The following DCP1B variants were observed in gnomAD, a reference collection of about 807,000 sequenced individuals.
The protein encoded by DCP1B is mRNA-decapping enzyme 1B.
DCP1B carries 47 observed loss-of-function variants against 60.5 expected under a neutral mutation model. The observed-to-expected ratio is 0.78, with a 90% confidence interval of 0.61 to 0.99. The LOEUF is 0.99. DCP1B is among the 50% of genes least tolerant of loss of function. The pLI is 0.00. For missense variants in DCP1B, 725 were observed against 756.8 expected (o/e 0.96, Z 0.49); for synonymous variants, 267 against 280.3 (o/e 0.95, Z 0.47).
intron 2 of DCP1B, among the ~76,000 whole-genome samples, chr12:1,997,235 A>G (rs1457857492): frequency 1.3e-5 from 2 of 152,228 alleles, no homozygotes; most frequent in Non-Finnish European, 2.9e-5. Context: ...GGGTGGGAGA[A>G]AAGTGATCAA....
intron 6 of DCP1B, among the ~76,000 whole-genome samples, chr12:1,954,181 CA>C (rs1259056126): frequency 2.8e-4 from 37 of 131,478 alleles, no homozygotes; most frequent in Admixed American, 2.3e-4. Context: ...AAATCTGTCT[CA>C]AAAAAAAAAA....
At chr12:1,972,277 A>G (rs1366883164) in intron 3 of DCP1B, among the ~76,000 whole-genome samples, 3 of 152,240 alleles carry the variant, frequency 2.0e-5, no homozygotes, top group African/African-American at 4.8e-5. Context: ...AATATTTTCA[A>G]TGTAAGGATG....
At position 1,952,949 on chromosome 12, in the gene DCP1B, G is replaced by T. The variant is rs1375905377; in HGVS notation, c.991C>A (p.Pro331Thr). 5 of 1,613,992 alleles carry T rather than the reference G, an allele frequency of 3.1e-6. No individual in the cohort carries two copies. In the African/African-American group the frequency reaches 6.7e-5, roughly 22 times the overall value. Residue 331 changes from proline (P) to threonine (T), a missense_variant, in exon 7 of 9, where the codon CCT becomes ACT. Coordinates refer to ENST00000280665, the MANE Select transcript of DCP1B (RefSeq NM_152640.5). The part of the protein sequence containing the change: ...THSAGEFFTG[P>T]VQPGSPHNIG... The stretch of plus-strand genomic sequence containing the variant: ...TTGTGAGGAGACCCTGGCTGGACAG[G>T]TCCTGTAAAAAATTCTCCCGCAGAA...
rs2032062357 is a variant in DCP1B, at chr12:1,971,094, C to T, written c.320-3184G>A. The T allele has an allele frequency of 5.4e-6, 7 of 1,288,828 alleles. No individual in the cohort carries two copies. The highest frequency in any genetic ancestry group is 2.3e-5 in the Admixed American group (1 of 43,536). 79.8% of individuals were successfully genotyped at this position (1,288,828 alleles called of 1,614,324 possible). A position where few individuals can be genotyped will look rare whatever the true frequency, so the allele number is the denominator to read the frequency against. On this transcript the variant is annotated intron_variant, in intron 3 of 8. Transcript: ENST00000280665. This position sits in a 1 kb window ranked among gnomAD's most constrained non-coding sequence, Gnocchi z 4.2. ...CGAGCCTTTGTTCAGCCTGGTACGC[C>T]TGCATACCAGCCGCTTCCCAGCCAC...
chr12:1,998,518 C>T (rs2041468366), intron 1 of DCP1B, among the ~76,000 whole-genome samples: 1 of 152,192 alleles, frequency 6.6e-6, no homozygotes, highest in African/African-American at 2.4e-5. Context: ...AATCAATCAC[C>T]TACTTAGTGT....
intron 3 of DCP1B, among the ~76,000 whole-genome samples, chr12:1,983,360 CCAATA>C (rs1481792535): frequency 1.3e-5 from 2 of 151,916 alleles, no homozygotes; most frequent in African/African-American, 4.8e-5. Context: ...TTCTTCTTTT[CCAATA>C]CAAGTATTTG....
intron 1 of DCP1B, among the ~76,000 whole-genome samples, chr12:1,998,623 C>G (rs78982355): frequency 0.018 from 2,671 of 152,266 alleles, 78 homozygotes; most frequent in African/African-American, 0.059. Context: ...CTGAGAAAAT[C>G]TGGGAGAGGT....
intron 5 of DCP1B, 91 bp downstream of exon 5, chr12:1,965,467 C>A: frequency 7.4e-7 from 1 of 1,346,714 alleles, no homozygotes; most frequent in Non-Finnish European, 9.7e-7. Context: ...GTGGAAGGAA[C>A]AGCATCCACA....
At chr12:1,952,340 C>CTTT (rs35978908) in intron 7 of DCP1B, 76 bp downstream of exon 7, 1,627 of 1,316,828 alleles carry the variant, frequency 1.2e-3, no homozygotes, top group East Asian at 2.4e-3. Flanking sequence ...AGCCTGGCTA[C>CTTT]TTTTTTTTTT....
At chr12:1,963,329 G>T (rs1039797815) in intron 5 of DCP1B, among the ~76,000 whole-genome samples, 12 of 152,064 alleles carry the variant, frequency 7.9e-5, no homozygotes, top group Non-Finnish European at 1.5e-4. Flanking sequence ...CTCTCCACAC[G>T]TACTAGCTGG....
In DCP1B at chr12:1,957,969, C is replaced by A. The variant is rs186187428; in HGVS notation, c.523-2409G>T. Reference sequence around the variant, plus strand: ...TAAGCGTAAGGCCTGAGACTATAAACCTCCTGGAAGGAAACAGGGGAAAAG... The same window carrying A: ...TAAGCGTAAGGCCTGAGACTATAAAACTCCTGGAAGGAAACAGGGGAAAAG... On this transcript the variant is annotated intron_variant, in intron 5 of 8. Transcript: ENST00000280665. 2.6e-5 allele frequency among the ~76,000 whole-genome samples: 4 copies of A among 152,268 alleles called. No individual in the cohort carries two copies. In the East Asian group the frequency reaches 7.7e-4, roughly 29 times the overall value.
intron 2 of DCP1B, among the ~76,000 whole-genome samples, chr12:1,995,946 CA>C (rs1415932179): frequency 6.6e-6 from 1 of 152,220 alleles, no homozygotes; most frequent in Non-Finnish European, 1.5e-5. Context: ...ATCATTACTT[CA>C]AAGTAAAATG....
rs142427899 is a variant in DCP1B at position 1,978,767 on chromosome 12, C to T, written c.320-10857G>A. Among the ~76,000 whole-genome samples, 713 of 152,276 alleles carry T rather than the reference C, an allele frequency of 4.7e-3. 8 individuals carry two copies. Among genetic ancestry groups the T allele is most frequent in the African/African-American group, 0.016 (680 of 41,550 alleles). ...TGCCTGTTCTTCAACTTCATATAAA[C>T]TTCATATAAATGGGGTCGTACAGTA... On this transcript the variant is annotated intron_variant, in intron 3 of 8. Transcript: ENST00000280665.
intron 3 of DCP1B, among the ~76,000 whole-genome samples, chr12:1,980,507 T>C (rs1056622235): frequency 6.6e-6 from 1 of 152,028 alleles, no homozygotes; most frequent in Admixed American, 6.6e-5. Flanking sequence ...ATGTTCTCAA[T>C]ATGTTTTCCC....
rs556071399 is a variant in DCP1B, at chr12:1,968,165, AT to A, written c.320-256del. On this transcript the variant is annotated intron_variant, in intron 3 of 8. Transcript: ENST00000280665. The stretch of plus-strand genomic sequence containing the variant: ...AGTGTTCAAGACCAGCCTGGCCAAC[AT>A]GGTGAAACCCCATCTCTACTAAAAA... 1.6e-4 allele frequency among the ~76,000 whole-genome samples: 25 copies of A among 152,136 alleles called. No homozygotes were observed. The East Asian group carries it at 4.8e-3, about 29-fold the overall frequency.
At chr12:1,978,995 G>A (rs577215967) in intron 3 of DCP1B, among the ~76,000 whole-genome samples, 1 of 152,256 alleles carries the variant, frequency 6.6e-6, no homozygotes, top group Admixed American at 6.5e-5. Context: ...ACTGCTTTGA[G>A]CATTTGTGTA....
At chr12:1,988,639 A>G (rs2038490130) in intron 3 of DCP1B, among the ~76,000 whole-genome samples, 1 of 152,076 alleles carries the variant, frequency 6.6e-6, no homozygotes, top group African/African-American at 2.4e-5. Flanking sequence ...TAATTTTTTT[A>G]CTGTCATTTC....
At chr12:1,984,904 T>C (rs2037250692) in intron 3 of DCP1B, among the ~76,000 whole-genome samples, 2 of 152,086 alleles carry the variant, frequency 1.3e-5, no homozygotes, top group African/African-American at 4.8e-5. Flanking sequence ...ATAGCTCTTT[T>C]ATTTCCAAAC....
intron 1 of DCP1B, among the ~76,000 whole-genome samples, chr12:2,003,536 T>G (rs1320022680): frequency 6.6e-6 from 1 of 152,214 alleles, no homozygotes; most frequent in Non-Finnish European, 1.5e-5. Context: ...TGCAACAGGA[T>G]TCCAGTGTTC....
Sources: allele counts gnomAD v4.1 joint callset (sites outside exome capture counted in the v4.1 genomes callset), GRCh38; gene constraint gnomAD v4.1.1; non-coding constraint Gnocchi (gnomAD v3.1); transcripts MANE v1.5; gene names NCBI Gene and HGNC (gene_info 2026-07-23, HGNC 2026-07-21).